Variants in PFKFB1 observed in about 807,000 individuals in gnomAD.
PFKFB1 encodes the protein 6-phosphofructo-2-kinase/fructose-2,6-bisphosphatase 1.
PFKFB1 carries 34 observed loss-of-function variants against 46.4 expected under a neutral mutation model. The observed-to-expected ratio is 0.73, with a 90% CI of 0.56 to 0.98. The LOEUF (loss-of-function observed/expected upper bound fraction) is 0.98. Among genes scored for constraint, PFKFB1 ranks in the 50% least tolerant of loss-of-function variants. The pLI is 0.00. For synonymous variants in PFKFB1, 119 were observed against 133.8 expected, an observed-to-expected ratio of 0.89 and a Z score of 0.76; for missense variants, 393 against 376.3, an observed-to-expected ratio of 1.04 and a Z score of -0.37.
intron 1 of PFKFB1, among the ~76,000 whole-genome samples, chrX:54,980,627 T>C (rs1249604587): frequency 9.4e-6 from 1 of 106,182 alleles, no homozygotes; most frequent in Admixed American, 1.0e-4. Flanking sequence ...AGTGAACAGT[T>C]CCTGAGATTT....
At chrX:54,995,667 C>T (rs1416804612), upstream of PFKFB1, among the ~76,000 whole-genome samples, 2 of 112,239 alleles carry the variant, frequency 1.8e-5, no homozygotes, top group African/African-American at 6.5e-5. Context: ...GATAGGAGTA[C>T]CTACCCTCCT....
chrX:54,987,910 C>T (rs762390207), intron 1 of PFKFB1, among the ~76,000 whole-genome samples: 2 of 111,478 alleles, frequency 1.8e-5, no homozygotes, highest in South Asian at 3.7e-4. Flanking sequence ...TCTCCCATGC[C>T]GCCTGCCAAG....
intron 1 of PFKFB1, among the ~76,000 whole-genome samples, chrX:54,988,352 C>T (rs1935156617): frequency 9.0e-6 from 1 of 111,500 alleles, no homozygotes; most frequent in Non-Finnish European, 1.9e-5. Flanking sequence ...AATGCAACAA[C>T]ATCTCATGTT....
At chrX:54,978,921 G>C (rs185237618) in intron 1 of PFKFB1, among the ~76,000 whole-genome samples, 3 of 111,982 alleles carry the variant, frequency 2.7e-5, no homozygotes, top group Non-Finnish European at 1.9e-5. Context: ...TCACAGATTG[G>C]ATGATTCTAA....
At chrX:54,940,506 G>A (rs1425241567) in intron 10 of PFKFB1, among the ~76,000 whole-genome samples, 3 of 111,526 alleles carry the variant, frequency 2.7e-5, no homozygotes, top group Non-Finnish European at 5.6e-5. Context: ...TCGTCTCAGC[G>A]CAAAATCTCC....
chrX:54,993,583 C>T (rs1050237120), intron 1 of PFKFB1, among the ~76,000 whole-genome samples: 2 of 112,186 alleles, frequency 1.8e-5, no homozygotes, highest in African/African-American at 3.2e-5. Context: ...TAGGCTATCA[C>T]TGAACAGTCC....
Position 54,980,050 on chromosome X carries a change from G to C in PFKFB1, c.97+13861C>G, listed in dbSNP as rs963504840. 2.7e-5 allele frequency among the ~76,000 whole-genome samples: 3 copies of C among 110,907 alleles called. No homozygotes were observed. In the East Asian group the frequency reaches 8.7e-4, roughly 32 times the overall value. On this transcript the variant is annotated intron_variant, in intron 1 of 13. Coordinates refer to ENST00000375006, the MANE Select transcript of PFKFB1 (RefSeq NM_002625.4). ...AACTGAATCTTGCCAACAACCTTGT[G>C]AGTAAGTTGGAAGTGGATCCCTATC...
At chrX:54,990,962 T>G (rs1031515802) in intron 1 of PFKFB1, among the ~76,000 whole-genome samples, 1 of 112,161 alleles carries the variant, frequency 8.9e-6, no homozygotes, top group Non-Finnish European at 1.9e-5. Context: ...TTAAATGATA[T>G]CTACCAAAAA....
intron 8 of PFKFB1, among the ~76,000 whole-genome samples, chrX:54,951,455 G>A (rs952224201): frequency 7.1e-5 from 8 of 112,157 alleles, no homozygotes; most frequent in Admixed American, 3.8e-4. Flanking sequence ...GGATAAGGTC[G>A]GGAGGGCAGA....
At chrX:54,985,831 A>T (rs1463897641) in intron 1 of PFKFB1, among the ~76,000 whole-genome samples, 1 of 109,971 alleles carries the variant, frequency 9.1e-6, no homozygotes, top group East Asian at 2.8e-4. Context: ...TACAAATCTG[A>T]AGCACACTGA....
chrX:54,933,893 A>G lies in PFKFB1; in HGVS notation c.1292-8T>C, dbSNP rs779227460. On this transcript the variant is annotated splice_region_variant and splice_polypyrimidine_tract_variant and intron_variant, in intron 12 of 13. Coordinates refer to ENST00000375006, the MANE Select transcript of PFKFB1 (RefSeq NM_002625.4). ...TGGATTCCACTTTGCAGCCTTAGAA[A>G]AGAACAATCCATCTGTCCATAGGCC... 2 of 1,200,919 alleles carry G rather than the reference A, an allele frequency of 1.7e-6. No individual in the cohort carries two copies. Among genetic ancestry groups the G allele is most frequent in the African/African-American group, 3.5e-5 (2 of 56,781 alleles).
chrX:54,979,372 T>C (rs1391480020), intron 1 of PFKFB1, among the ~76,000 whole-genome samples: 1 of 111,317 alleles, frequency 9.0e-6, no homozygotes. Flanking sequence ...TTCTGTAAAC[T>C]TTCAGGTAAT....
At chrX:54,966,919 C>T (rs1446407499) in intron 1 of PFKFB1, among the ~76,000 whole-genome samples, 1 of 111,735 alleles carries the variant, frequency 8.9e-6, no homozygotes, top group African/African-American at 3.2e-5. Context: ...CCTGGGCTTA[C>T]CTCTGACTTG....
At chrX:54,972,089 T>C (rs1198616833) in intron 1 of PFKFB1, among the ~76,000 whole-genome samples, 135 of 110,862 alleles carry the variant, frequency 1.2e-3, no homozygotes, top group Non-Finnish European at 2.2e-3. Flanking sequence ...TATTTTATTC[T>C]CTTTGAAGCA....
chrX:54,961,936 G>A (rs1315318378), intron 2 of PFKFB1, among the ~76,000 whole-genome samples: 1 of 111,357 alleles, frequency 9.0e-6, no homozygotes, highest in East Asian at 2.8e-4. Context: ...CATGTTTGGA[G>A]GATGGTGAGT....
At chrX:54,958,591 T>C (rs1043826481) in intron 5 of PFKFB1, among the ~76,000 whole-genome samples, 2 of 110,771 alleles carry the variant, frequency 1.8e-5, no homozygotes, top group South Asian at 3.9e-4. Context: ...TTAGGTCTTA[T>C]ATAAGTTTTT....
At chrX:54,941,008 T>A (rs1177120699) in intron 10 of PFKFB1, among the ~76,000 whole-genome samples, 1 of 111,930 alleles carries the variant, frequency 8.9e-6, no homozygotes, top group Non-Finnish European at 1.9e-5. Context: ...AAGCCTACAG[T>A]AACCAAAACA....
chrX:54,951,893 G>GCCA lies in PFKFB1; in HGVS notation c.846+11_846+12insTGG. On this transcript the variant is annotated intron_variant, in intron 8 of 13. Transcript: ENST00000375006. The stretch of plus-strand genomic sequence containing the variant: ...CCAGCCAACCCATCTGGGTGTGTGT[G>GCCA]GCCCACCCTACCTGCTTGCCGCGAA... The GCCA allele has an allele frequency of 8.5e-7, 1 of 1,179,190 alleles. No individual in the cohort carries two copies. Among genetic ancestry groups the GCCA allele is most frequent in the Non-Finnish European group, 1.1e-6 (1 of 876,538 alleles).
In PFKFB1 at chrX:54,993,925, T is replaced by A. The variant is rs751277259; in HGVS notation, c.83A>T (p.Gln28Leu). Residue 28 changes from glutamine to leucine, a missense_variant, in exon 1 of 14, where the codon CAA (glutamine) becomes CTA (leucine). Transcript: ENST00000375006. ...ACCCCACTTACAGCCCCTTCTCCGT[T>A]GCAGCCTGCTGCTGCCGCTGCTGTG... is the stretch of plus-strand genomic sequence containing the variant. ...IPHSSGSSRL[Q>L]RRRGSSIPQF... The A allele has an allele frequency of 1.7e-6, 2 of 1,206,068 alleles. No homozygotes were observed. Among genetic ancestry groups the A allele is most frequent in the Admixed American group, 4.4e-5 (2 of 45,579 alleles).
Sources: allele counts gnomAD v4.1 joint callset (sites outside exome capture counted in the v4.1 genomes callset), GRCh38; gene constraint gnomAD v4.1.1; transcripts MANE v1.5; gene names NCBI Gene and HGNC (gene_info 2026-07-23, HGNC 2026-07-21).